The following USP31 variants were observed in gnomAD, a reference collection of about 807,000 sequenced individuals.
USP31 encodes the protein ubiquitin specific peptidase 31, also known as ubiquitin carboxyl-terminal hydrolase 31.
USP31 carries 44 observed loss-of-function variants against 119.4 expected under a neutral mutation model. The ratio of observed to expected loss-of-function variants is 0.37; its 90% CI spans 0.29 to 0.47. USP31 has a LOEUF of 0.47. Ranked by LOEUF, USP31 falls within the 20% of genes least tolerant of loss-of-function variation. USP31 has a pLI of 0.99. For synonymous variants in USP31, 749 were observed against 705.6 expected, an observed-to-expected ratio of 1.06 and a Z score of -0.97; for missense variants, 1,643 against 1,730.2, an observed-to-expected ratio of 0.95 and a Z score of 0.89.
chr16:23,106,794 A>G (rs1031244029), intron 2 of USP31, among the ~76,000 whole-genome samples: 2 of 152,010 alleles, frequency 1.3e-5, no homozygotes, highest in Admixed American at 1.3e-4. Context: ...ATCTCCTCTA[A>G]TAAGTAATCC....
At chr16:23,097,338 A>C (rs1004458361) in intron 6 of USP31, among the ~76,000 whole-genome samples, 3 of 152,250 alleles carry the variant, frequency 2.0e-5, no homozygotes, top group African/African-American at 7.2e-5. Context: ...TCTGAAATTG[A>C]GGCAATAATA....
At chr16:23,109,847 A>AG (rs1296815839) in intron 1 of USP31, among the ~76,000 whole-genome samples, 1 of 150,642 alleles carries the variant, frequency 6.6e-6, no homozygotes, top group Admixed American at 6.7e-5. Context: ...CTACCAAAAA[A>AG]AAAAAAAAAA....
At chr16:23,097,319 A>G (rs1208668979) in intron 6 of USP31, among the ~76,000 whole-genome samples, 1 of 152,246 alleles carries the variant, frequency 6.6e-6, no homozygotes, top group Non-Finnish European at 1.5e-5. Context: ...GAATAGACCA[A>G]TAACAGGCTC....
intron 6 of USP31, among the ~76,000 whole-genome samples, chr16:23,097,548 T>C (rs2141861752): frequency 6.6e-6 from 1 of 152,352 alleles, no homozygotes; most frequent in South Asian, 2.1e-4. Flanking sequence ...CCAGTATCTC[T>C]GATGAACATC....
chr16:23,116,379 C>A (rs1289379897), intron 1 of USP31, among the ~76,000 whole-genome samples: 2 of 152,118 alleles, frequency 1.3e-5, no homozygotes, highest in Non-Finnish European at 1.5e-5. Flanking sequence ...AGAAAAGTTT[C>A]ATCTTTTGAA....
chr16:23,131,514 T>A (rs1001183138), intron 1 of USP31, among the ~76,000 whole-genome samples: 4 of 152,040 alleles, frequency 2.6e-5, no homozygotes, highest in Non-Finnish European at 5.9e-5. Flanking sequence ...TAGGTCCTCA[T>A]CCAACTCACA....
chr16:23,114,325 C>A (rs1242151441), intron 1 of USP31, among the ~76,000 whole-genome samples: 1 of 151,898 alleles, frequency 6.6e-6, no homozygotes, highest in African/African-American at 2.4e-5. Flanking sequence ...CCAAGAAGAG[C>A]TCTTAGGTGT....
chr16:23,136,354 A>G (rs1183137611), intron 1 of USP31, among the ~76,000 whole-genome samples: 1 of 152,192 alleles, frequency 6.6e-6, no homozygotes, highest in East Asian at 1.9e-4. Context: ...AGTGGACGTC[A>G]TCAAAATTAA....
chr16:23,088,074 G>A (rs1438097308), intron 7 of USP31, among the ~76,000 whole-genome samples: 1 of 152,158 alleles, frequency 6.6e-6, no homozygotes, highest in African/African-American at 2.4e-5. Flanking sequence ...TATGGTGCTA[G>A]GACAGCAGGT....
rs147693014 is a variant in USP31 at position 23,105,811 on chromosome 16, A to G, written c.954-235T>C. On this transcript the variant is annotated intron_variant, in intron 4 of 15. Transcript: ENST00000219689. The stretch of plus-strand genomic sequence containing the variant: ...AACATTCTATGAAGCAAACAAAAAT[A>G]TATCTACACTTGATTCTGTGCTTTG... Among the ~76,000 whole-genome samples the G allele has an allele frequency of 2.0e-5, 3 of 152,300 alleles. No homozygotes were observed. In the South Asian group the frequency reaches 6.2e-4, roughly 32 times the overall value.
At chr16:23,086,800 G>A (rs1295482841) in intron 9 of USP31, among the ~76,000 whole-genome samples, 3 of 152,104 alleles carry the variant, frequency 2.0e-5, no homozygotes, top group Admixed American at 6.6e-5. Flanking sequence ...TGATTAGAAC[G>A]TTACTTTACA....
At chr16:23,071,555 C>T (rs1299630354) in intron 15 of USP31, among the ~76,000 whole-genome samples, 2 of 151,804 alleles carry the variant, frequency 1.3e-5, no homozygotes, top group South Asian at 4.2e-4. Flanking sequence ...GTTTTAGATG[C>T]TTCTGTACTA....
At chr16:23,074,175 T>C (rs1044329408) in intron 13 of USP31, among the ~76,000 whole-genome samples, 1 of 149,720 alleles carries the variant, frequency 6.7e-6, no homozygotes, top group Non-Finnish European at 1.5e-5. Flanking sequence ...GCGGGGGGAG[T>C]GGGATTTGGC....
At chr16:23,119,863 A>G (rs1902611047) in intron 1 of USP31, among the ~76,000 whole-genome samples, 1 of 152,012 alleles carries the variant, frequency 6.6e-6, no homozygotes. Context: ...GCTTTAGGGA[A>G]CTCCATCTGT....
intron 1 of USP31, among the ~76,000 whole-genome samples, chr16:23,114,028 C>G (rs1437864716): frequency 1.3e-5 from 2 of 152,058 alleles, no homozygotes; most frequent in African/African-American, 4.8e-5. Flanking sequence ...TTGCTTGAAC[C>G]TGGGAGGTGG....
chr16:23,141,310 T>A (rs1455672882), intron 1 of USP31, among the ~76,000 whole-genome samples: 3 of 152,162 alleles, frequency 2.0e-5, no homozygotes. Flanking sequence ...TGCATTTTAT[T>A]CTTCCTGCCT....
chr16:23,142,034 C>G (rs1272620807), intron 1 of USP31, among the ~76,000 whole-genome samples: 1 of 152,258 alleles, frequency 6.6e-6, no homozygotes, highest in Non-Finnish European at 1.5e-5. Flanking sequence ...TCTCTGACGG[C>G]ATGAACCTAG....
intron 1 of USP31, among the ~76,000 whole-genome samples, chr16:23,140,725 A>G (rs1189817674): frequency 6.6e-6 from 1 of 152,130 alleles, no homozygotes. Context: ...TGAGTGTACT[A>G]TTTAACATAT....
At chr16:23,124,905 A>T (rs79483558) in intron 1 of USP31, among the ~76,000 whole-genome samples, 4 of 152,034 alleles carry the variant, frequency 2.6e-5, no homozygotes, top group East Asian at 3.9e-4. Flanking sequence ...ATAAGAAAAT[A>T]AAAAAAACCC....
Sources: allele counts gnomAD v4.1 joint callset (sites outside exome capture counted in the v4.1 genomes callset), GRCh38; gene constraint gnomAD v4.1.1; transcripts MANE v1.5; gene names NCBI Gene and HGNC (gene_info 2026-07-23, HGNC 2026-07-21).